AIMP2: variants seen among roughly 807,000 people sequenced by gnomAD.
AIMP2 encodes aminoacyl tRNA synthetase complex interacting multifunctional protein 2, also known as aminoacyl tRNA synthase complex-interacting multifunctional protein 2.
Under a neutral mutation model 23.4 loss-of-function variants are expected in AIMP2, and 20 were observed. The observed-to-expected ratio is 0.85, with a 90% CI of 0.60 to 1.24. The LOEUF is 1.24. Ranked by LOEUF, AIMP2 falls within the 50% of genes most tolerant of loss-of-function variation. AIMP2 has a pLI of 0.00. For missense variants in AIMP2, 515 were observed against 414.5 expected (o/e 1.24, Z -2.10); for synonymous variants, 210 against 170.4 (o/e 1.23, Z -1.81).
intron 2 of AIMP2, among the ~76,000 whole-genome samples, chr7:6,017,485 T>G (rs1439932081): frequency 6.6e-6 from 1 of 150,540 alleles, no homozygotes; most frequent in East Asian, 2.0e-4. Flanking sequence ...GATCATCCAC[T>G]GTACTCCAGC....
intron 2 of AIMP2, among the ~76,000 whole-genome samples, chr7:6,016,075 T>C (rs7803611): frequency 0.81 from 123,469 of 152,134 alleles, 50,234 homozygotes; most frequent in East Asian, 0.91. Context: ...CTTTCAGAAC[T>C]GTGACTGCCC....
At position 6,017,716 on chromosome 7, in the gene AIMP2, G is replaced by A. The variant is rs1463157103; in HGVS notation, c.343-98G>A. 1.4e-5 allele frequency: 15 copies of A among 1,036,802 alleles called. No homozygotes were observed. In the East Asian group the frequency reaches 3.9e-4, roughly 27 times the overall value. 64.2% of individuals were successfully genotyped at this position (1,036,802 alleles called of 1,614,324 possible). A position where few individuals can be genotyped will look rare whatever the true frequency, so the allele number is the denominator to read the frequency against. On this transcript the variant is annotated intron_variant, in intron 2 of 3. Coordinates refer to ENST00000223029, the MANE Select transcript of AIMP2 (RefSeq NM_006303.4). The stretch of plus-strand genomic sequence containing the variant: ...GTGCCGTCTTCATGGAAGTGGCGGA[G>A]TCGGTTAGATAACCCTGGTTAGGTT...
chr7:6,009,900 G>T (rs1190771576), intron 1 of AIMP2, among the ~76,000 whole-genome samples: 1 of 135,202 alleles, frequency 7.4e-6, no homozygotes, highest in Non-Finnish European at 1.5e-5. Context: ...AGTGAGCTGA[G>T]ATCGAGCCAT....
chr7:6,018,574 G>A (rs1478599994), intron 3 of AIMP2, among the ~76,000 whole-genome samples: 2 of 151,630 alleles, frequency 1.3e-5, no homozygotes, highest in Non-Finnish European at 2.9e-5. Flanking sequence ...AGGGGCTCAC[G>A]CCTGTAATCC....
chr7:6,023,341 T>C lies in AIMP2; in HGVS notation c.613T>C (p.Cys205Arg). The C allele has an allele frequency of 6.2e-7, 1 of 1,609,862 alleles. No homozygotes were observed. Among genetic ancestry groups the C allele is most frequent in the Non-Finnish European group, 8.5e-7 (1 of 1,178,744 alleles). Reference sequence around the variant, plus strand: ...GATGAAATTCAGCATCCAGACGATGTGCCCCATCGAAGGCGAAGGGAACAT... The same window carrying C: ...GATGAAATTCAGCATCCAGACGATGCGCCCCATCGAAGGCGAAGGGAACAT... Reference protein sequence around the residue: ...TQMKFSIQTMCPIEGEGNIAR... With the variant: ...TQMKFSIQTMRPIEGEGNIAR... Residue 205 changes from cysteine (C) to arginine (R), a missense_variant, in exon 4 of 4, where the codon TGC (cysteine) becomes CGC (arginine). Cys to Arg is a radical substitution (Grantham distance 180). Coordinates refer to ENST00000223029, the MANE Select transcript of AIMP2 (RefSeq NM_006303.4).
intron 2 of AIMP2, among the ~76,000 whole-genome samples, 170 bp from the exon 3 acceptor site, chr7:6,017,644 C>T (rs1200749382): frequency 5.3e-5 from 8 of 152,210 alleles, no homozygotes; most frequent in Admixed American, 4.6e-4. Flanking sequence ...CCGTCCTGAG[C>T]GAGTGACCTT....
At chr7:6,012,736 T>C in intron 1 of AIMP2, 1 of 724,922 alleles carries the variant, frequency 1.4e-6, no homozygotes, top group South Asian at 1.8e-5. Context: ...ATTTTTGTGT[T>C]TCAGTAGAAA....
intron 1 of AIMP2, among the ~76,000 whole-genome samples, chr7:6,013,502 C>A (rs1217880918): frequency 6.6e-6 from 1 of 152,122 alleles, no homozygotes; most frequent in Non-Finnish European, 1.5e-5. Context: ...CTCAGGTGAT[C>A]TGCCCCTCTC....
intron 1 of AIMP2, among the ~76,000 whole-genome samples, chr7:6,013,316 C>T (rs1786814928): frequency 7.3e-6 from 1 of 136,472 alleles, no homozygotes; most frequent in Non-Finnish European, 1.5e-5. Flanking sequence ...GGCTGGAGTG[C>T]AGTGGTGTGA....
chr7:6,014,876 T>C, intron 1 of AIMP2: 2 of 449,722 alleles, frequency 4.4e-6, no homozygotes, highest in Non-Finnish European at 7.4e-6. Flanking sequence ...CGTGCCACCA[T>C]GCCAGGCTAA....
At chr7:6,017,741 T>C in intron 2 of AIMP2, 73 bp from the exon 3 acceptor site, 1 of 1,384,558 alleles carries the variant, frequency 7.2e-7, no homozygotes, top group South Asian at 1.4e-5. Context: ...CTGGTTAGGT[T>C]CTTAGACTCG....
At chr7:6,012,189 G>A (rs867036252) in intron 1 of AIMP2, among the ~76,000 whole-genome samples, 4 of 151,470 alleles carry the variant, frequency 2.6e-5, no homozygotes, top group South Asian at 2.1e-4. Flanking sequence ...GGAGGTCAGG[G>A]CTGCATTGAG....
intron 1 of AIMP2, among the ~76,000 whole-genome samples, chr7:6,011,737 C>G (rs10951974): frequency 3.3e-5 from 5 of 151,998 alleles, no homozygotes; most frequent in African/African-American, 1.2e-4. Context: ...GGAAACAGGG[C>G]CCAGTCACCC....
At chr7:6,014,869 G>A (rs564410600) in intron 1 of AIMP2, 5 of 406,034 alleles carry the variant, frequency 1.2e-5, no homozygotes, top group South Asian at 1.2e-4. Flanking sequence ...ACAGTTGCGT[G>A]CCACCATGCC....
chr7:6,009,974 A>AAATATATACATATATAT, intron 1 of AIMP2, among the ~76,000 whole-genome samples: 1 of 26,662 alleles, frequency 3.8e-5, no homozygotes, highest in Non-Finnish European at 6.8e-5. Context: ...AAAAAAAAAA[A>AAATATATACATATATAT]ATATATATAT....
intron 1 of AIMP2, chr7:6,014,846 A>C (rs1416003330): frequency 5.9e-6 from 2 of 341,114 alleles, no homozygotes. Flanking sequence ...CACCCTCCCG[A>C]GTAGCTGGGA....
chr7:6,012,835 A>G (rs1257914747), intron 1 of AIMP2: 20 of 1,014,316 alleles, frequency 2.0e-5, no homozygotes, highest in Non-Finnish European at 2.1e-5. Context: ...TACAGGTATC[A>G]GCCACTGTGC....
Position 6,015,296 on chromosome 7 carries a change from G to A in AIMP2, c.286G>A (p.Asp96Asn). 6.2e-7 allele frequency: 1 copy of A among 1,614,174 alleles called. No homozygotes were observed. Among genetic ancestry groups the A allele is most frequent in the Non-Finnish European group, 8.5e-7 (1 of 1,180,040 alleles). ...GGATGTAACCAACATAATCCAAGCG[G>A]ATGAGCCCACGACTTTAACCACCAA... is the stretch of plus-strand genomic sequence containing the variant. ...DLDVTNIIQA[D>N]EPTTLTTNAL... Residue 96 changes from aspartate (D) to asparagine (N), a missense_variant, in exon 2 of 4, where the codon GAT (aspartate) becomes AAT (asparagine). By Grantham distance (23) the Asp-to-Asn change is conservative. Coordinates refer to ENST00000223029, the MANE Select transcript of AIMP2 (RefSeq NM_006303.4).
intron 3 of AIMP2, chr7:6,022,746 T>C (rs1017992623): frequency 2.0e-5 from 3 of 152,590 alleles, no homozygotes; most frequent in Non-Finnish European, 4.4e-5. Flanking sequence ...CGGGGAGTCA[T>C]GGCTATCACA....
Sources: allele counts gnomAD v4.1 joint callset (sites outside exome capture counted in the v4.1 genomes callset), GRCh38; gene constraint gnomAD v4.1.1; transcripts MANE v1.5; gene names NCBI Gene and HGNC (gene_info 2026-07-23, HGNC 2026-07-21).